Variants in ZNF618 observed in about 807,000 individuals in gnomAD.
The protein encoded by ZNF618 is zinc finger protein 618, also known as neural precursor cell expressed, developmentally down-regulated 10.
ZNF618 carries 34 observed loss-of-function variants against 103.0 expected under a neutral mutation model. That is an observed-to-expected ratio of 0.33 (90% CI 0.25 to 0.44). The LOEUF is 0.44. Among genes scored for constraint, ZNF618 ranks in the 20% least tolerant of loss-of-function variants. The probability of loss-of-function intolerance (pLI) is 1.00; values close to 1 mark genes in which losing one functional copy is unlikely to be tolerated. For missense variants in ZNF618, 1,059 were observed against 1,295.4 expected (o/e 0.82, Z 2.80); for synonymous variants, 551 against 542.2 (o/e 1.02, Z -0.23).
intron 1 of ZNF618, among the ~76,000 whole-genome samples, chr9:113,892,509 T>A (rs967919207): frequency 1.3e-5 from 2 of 152,158 alleles, no homozygotes; most frequent in Non-Finnish European, 2.9e-5. Context: ...TCAAAATGGT[T>A]CAGATGGTCA....
chr9:114,014,023 C>G (rs531031757), intron 9 of ZNF618, among the ~76,000 whole-genome samples: 2 of 152,218 alleles, frequency 1.3e-5, no homozygotes, highest in South Asian at 4.1e-4. Context: ...TCCCACTTGA[C>G]TATTAACAAT....
At chr9:113,913,059 A>G (rs1038149770) in intron 1 of ZNF618, among the ~76,000 whole-genome samples, 1 of 152,012 alleles carries the variant, frequency 6.6e-6, no homozygotes, top group Non-Finnish European at 1.5e-5. Context: ...CAAGTGATCT[A>G]TAAGGGAGGT....
At chr9:113,963,178 G>A (rs1407344667) in intron 1 of ZNF618, among the ~76,000 whole-genome samples, 4 of 152,206 alleles carry the variant, frequency 2.6e-5, no homozygotes, top group African/African-American at 9.6e-5. Flanking sequence ...CAGGTCCTGG[G>A]TTGGTGGGTG....
chr9:114,032,728 G>A lies in ZNF618; in HGVS notation c.1168G>A (p.Glu390Lys), dbSNP rs773065547. 3 of 1,613,968 alleles carry A rather than the reference G, an allele frequency of 1.9e-6. No individual in the cohort carries two copies. The highest frequency in any genetic ancestry group is 8.5e-7 in the Non-Finnish European group (1 of 1,179,830). ...GAACAGCAGTTCGCAGAACTCCAGC[G>A]GTGAGTGTGCCCCTTGACAGCCATC... ...ETNSSSQNSSEPYTCGACGIQ... is the reference protein window; with the variant it reads ...ETNSSSQNSSKPYTCGACGIQ... Residue 390 changes from glutamate (E) to lysine (K), a missense_variant and splice_region_variant, in exon 12 of 15, where the codon GAA (glutamate) becomes AAA (lysine). Glu to Lys is a moderately conservative substitution (Grantham distance 56). This residue lies in a region of ZNF618 where 434 missense variants were observed against 476.0 expected (regional missense o/e 0.91). Coordinates refer to ENST00000374126, the MANE Select transcript of ZNF618 (RefSeq NM_001318042.2).
chr9:114,007,707 C>T (rs1033425138), intron 7 of ZNF618, among the ~76,000 whole-genome samples: 2 of 152,102 alleles, frequency 1.3e-5, no homozygotes, highest in African/African-American at 4.8e-5. Flanking sequence ...AATTTCGTAT[C>T]GAGTCATTTT....
chr9:114,034,632 A>T (rs997856053), intron 12 of ZNF618, among the ~76,000 whole-genome samples: 1 of 152,148 alleles, frequency 6.6e-6, no homozygotes, highest in Non-Finnish European at 1.5e-5. Context: ...GGTCCCCCAG[A>T]TTATAAGTGG....
intron 1 of ZNF618, among the ~76,000 whole-genome samples, chr9:113,966,823 G>A (rs1837448633): frequency 6.6e-6 from 1 of 152,194 alleles, no homozygotes. Context: ...TTTCCCAGCA[G>A]CACCACCTGA....
chr9:114,017,101 G>T (rs1050500836), intron 10 of ZNF618, among the ~76,000 whole-genome samples: 1 of 152,140 alleles, frequency 6.6e-6, no homozygotes, highest in Non-Finnish European at 1.5e-5. Context: ...TCTAGGTACC[G>T]CTACATCACA....
chr9:114,043,611 T>G (rs1845402796), intron 13 of ZNF618, among the ~76,000 whole-genome samples: 1 of 152,242 alleles, frequency 6.6e-6, no homozygotes, highest in Non-Finnish European at 1.5e-5. Context: ...TTTAGGTCTT[T>G]AAGGAACCTC....
intron 9 of ZNF618, chr9:114,016,004 C>A: frequency 9.4e-7 from 1 of 1,062,394 alleles, no homozygotes; most frequent in Non-Finnish European, 1.4e-6. Context: ...GGCACCCTCC[C>A]CCAAGGGGGT....
chr9:113,899,494 A>G (rs1302936882), intron 1 of ZNF618, among the ~76,000 whole-genome samples: 1 of 152,136 alleles, frequency 6.6e-6, no homozygotes, highest in Non-Finnish European at 1.5e-5. Context: ...TTAGATTCTC[A>G]TAGGAGCGCG....
Position 113,988,311 on chromosome 9 carries a change from T to G in ZNF618, c.78-10T>G. ...GAAGAAGGTATTGAACGGAGTTTCTTCTTTCCCAGGGAGCGCTTGAAGCGC... is the reference window on the plus strand; with the variant it reads ...GAAGAAGGTATTGAACGGAGTTTCTGCTTTCCCAGGGAGCGCTTGAAGCGC... On this transcript the variant is annotated splice_polypyrimidine_tract_variant and intron_variant, in intron 2 of 14. Transcript: ENST00000374126. 3.7e-6 allele frequency: 6 copies of G among 1,608,378 alleles called. No homozygotes were observed. Among genetic ancestry groups the G allele is most frequent in the Non-Finnish European group, 5.1e-6 (6 of 1,177,832 alleles).
intron 2 of ZNF618, among the ~76,000 whole-genome samples, chr9:113,975,154 C>T (rs988389822): frequency 7.2e-5 from 11 of 151,948 alleles, no homozygotes; most frequent in African/African-American, 1.7e-4. Flanking sequence ...GGAGGGATGA[C>T]GGTGATGGAG....
At chr9:114,027,314 G>A (rs766764987) in intron 10 of ZNF618, among the ~76,000 whole-genome samples, 11 of 152,142 alleles carry the variant, frequency 7.2e-5, no homozygotes, top group East Asian at 1.9e-4. Flanking sequence ...AGTGTTTTCC[G>A]CAGACTGAGG....
chr9:114,049,862 C>T lies in ZNF618; in HGVS notation c.2560C>T (p.Arg854Cys), dbSNP rs753106845. The T allele has an allele frequency of 3.5e-5, 56 of 1,613,804 alleles. No individual in the cohort carries two copies. Among genetic ancestry groups the T allele is most frequent in the Admixed American group, 2.0e-4 (12 of 60,010 alleles). ...ADFEPAAKKP[R>C]SAAVENPAAQ... is the part of the protein sequence containing the mutation. ...CTTCGAGCCCGCTGCCAAGAAGCCC[C>T]GCTCTGCTGCCGTCGAGAACCCCGC... The change falls in exon 15 of 15, where the codon CGC (arginine) becomes TGC (cysteine). Residue 854 changes from arginine to cysteine, a missense_variant. Arg to Cys is a radical substitution (Grantham distance 180). Coordinates refer to ENST00000374126, the MANE Select transcript of ZNF618 (RefSeq NM_001318042.2).
chr9:113,889,492 T>C (rs915423995), intron 1 of ZNF618, among the ~76,000 whole-genome samples: 1 of 152,228 alleles, frequency 6.6e-6, no homozygotes, highest in Non-Finnish European at 1.5e-5. Context: ...TGTTATGACT[T>C]AGCCTCCAAA....
intron 1 of ZNF618, among the ~76,000 whole-genome samples, chr9:113,903,072 C>T (rs1165166001): frequency 6.6e-6 from 1 of 152,168 alleles, no homozygotes; most frequent in Non-Finnish European, 1.5e-5. Context: ...TCTTGAACTC[C>T]TGACCTGAAC....
intron 2 of ZNF618, among the ~76,000 whole-genome samples, chr9:113,986,400 G>A (rs910775109): frequency 6.6e-6 from 1 of 152,236 alleles, no homozygotes; most frequent in Non-Finnish European, 1.5e-5. Flanking sequence ...TTAACAGAAT[G>A]CTGTGGGATG....
intron 1 of ZNF618, among the ~76,000 whole-genome samples, chr9:113,940,885 G>C (rs1834484940): frequency 6.6e-6 from 1 of 151,990 alleles, no homozygotes; most frequent in Non-Finnish European, 1.5e-5. Context: ...CCTTTTAACA[G>C]GAGAATTTAT....
Sources: gnomAD v4.1 joint callset for allele counts (sites outside exome capture counted in the v4.1 genomes callset) on GRCh38, gnomAD v4.1.1 for gene constraint, gnomAD v4.1.1 regional missense constraint, MANE v1.5 for transcripts, NCBI Gene and HGNC (gene_info 2026-07-23, HGNC 2026-07-21) for gene names.